Variants in TRERF1 observed in about 807,000 individuals in gnomAD.
The protein encoded by TRERF1 is transcriptional-regulating factor 1.
TRERF1 carries 27 observed loss-of-function variants against 122.9 expected under a neutral mutation model. That is an observed-to-expected ratio of 0.22 (90% CI 0.16 to 0.30). The LOEUF (loss-of-function observed/expected upper bound fraction) is 0.30, where lower values mean the gene tolerates loss of function less well. TRERF1 is among the 10% of genes least tolerant of loss of function. The pLI is 1.00. For synonymous variants in TRERF1, 636 were observed against 641.7 expected, an observed-to-expected ratio of 0.99 and a Z score of 0.13; for missense variants, 1,248 against 1,560.3, an observed-to-expected ratio of 0.80 and a Z score of 3.37.
intron 8 of TRERF1, among the ~76,000 whole-genome samples, chr6:42,262,558 A>AGG: frequency 1.5e-5 from 2 of 135,188 alleles, no homozygotes; most frequent in Admixed American, 7.2e-5. Flanking sequence ...AGAGAGAGAG[A>AGG]GAGAGAGAGA....
At chr6:42,373,584 A>G (rs260241) in intron 2 of TRERF1, among the ~76,000 whole-genome samples, 10,074 of 151,906 alleles carry the variant, frequency 0.066, 1,083 homozygotes, top group African/African-American at 0.23. Flanking sequence ...GGAGAATGTC[A>G]TGAACCCCAG....
At chr6:42,332,464 A>G (rs1765415099) in intron 3 of TRERF1, among the ~76,000 whole-genome samples, 1 of 152,150 alleles carries the variant, frequency 6.6e-6, no homozygotes, top group Non-Finnish European at 1.5e-5. Flanking sequence ...GGCAATGCCA[A>G]CTCACCTCCC....
chr6:42,359,726 A>C (rs535320522), intron 3 of TRERF1, among the ~76,000 whole-genome samples: 3 of 152,374 alleles, frequency 2.0e-5, no homozygotes, highest in South Asian at 4.1e-4. Flanking sequence ...CCGTCTCAAA[A>C]AAACACCCAA....
chr6:42,358,953 C>T (rs532746004), intron 3 of TRERF1, among the ~76,000 whole-genome samples: 14 of 152,194 alleles, frequency 9.2e-5, no homozygotes, highest in South Asian at 2.1e-4. Flanking sequence ...CTACAGAAGA[C>T]GGAAGTCTAA....
intron 2 of TRERF1, among the ~76,000 whole-genome samples, chr6:42,382,240 T>C (rs1057396899): frequency 6.6e-6 from 1 of 151,618 alleles, no homozygotes; most frequent in South Asian, 2.1e-4. Flanking sequence ...AGGAGACTCA[T>C]AGCACAACAG....
intron 2 of TRERF1, among the ~76,000 whole-genome samples, chr6:42,395,869 C>T (rs1173128069): frequency 1.3e-5 from 2 of 151,996 alleles, no homozygotes; most frequent in Non-Finnish European, 2.9e-5. Flanking sequence ...ATGCGTAGCT[C>T]ACATCTCTGT....
intron 2 of TRERF1, among the ~76,000 whole-genome samples, chr6:42,444,178 C>CTTTTTTTTTTTTTTTTTT (rs201969394): frequency 1.5e-5 from 2 of 133,858 alleles, no homozygotes; most frequent in African/African-American, 5.6e-5. Flanking sequence ...GCAGCCTTTG[C>CTTTTTTTTTTTTTTTTTT]TTTTTTTTTT....
In TRERF1 at chr6:42,269,776, G is replaced by A. The variant is rs187601754; in HGVS notation, c.-186C>T. The stretch of plus-strand genomic sequence containing the variant: ...GGCCTGTACCACTCATGTGCAGGGC[G>A]GGGGGTTTCACATCCTCTCCCTGGC... On this transcript the variant is annotated 5_prime_UTR_variant, in exon 5 of 18. Transcript: ENST00000372922. This position sits in a 1 kb window ranked among gnomAD's most constrained non-coding sequence, Gnocchi z 4.9. 1.3e-4 allele frequency: 184 copies of A among 1,426,694 alleles called. No homozygotes were observed. The African/African-American group carries it at 2.1e-3, about 17-fold the overall frequency. The allele number at this position is 1,426,694 out of a possible 1,614,324, so 88.4% of individuals were successfully genotyped here.
intron 12 of TRERF1, 84 bp from the exon 13 acceptor site, chr6:42,255,010 C>T (rs940634171): frequency 4.9e-6 from 7 of 1,420,622 alleles, no homozygotes; most frequent in East Asian, 2.3e-5. Flanking sequence ...AGGGGAAAAG[C>T]GGTTAGCACT....
At chr6:42,336,182 T>C (rs1423562144) in intron 3 of TRERF1, among the ~76,000 whole-genome samples, 1 of 152,120 alleles carries the variant, frequency 6.6e-6, no homozygotes, top group Admixed American at 6.6e-5. Flanking sequence ...GCAATAAACA[T>C]TTATGAAATG....
At chr6:42,256,995 G>A in exon 11 of TRERF1, 1 of 1,614,198 alleles carries the variant, frequency 6.2e-7, no homozygotes, top group Non-Finnish European at 8.5e-7. Flanking sequence ...TTCTAGTTCT[G>A]GCCAGGGCTT....
intron 2 of TRERF1, among the ~76,000 whole-genome samples, chr6:42,417,632 G>A (rs560644784): frequency 6.6e-6 from 1 of 152,338 alleles, no homozygotes; most frequent in East Asian, 1.9e-4. Flanking sequence ...CAGAGGGCAA[G>A]GCTGAAGACC....
At chr6:42,231,431 T>G (rs911336879) in intron 17 of TRERF1, among the ~76,000 whole-genome samples, 5 of 152,242 alleles carry the variant, frequency 3.3e-5, no homozygotes, top group Non-Finnish European at 7.3e-5. Context: ...TAGTACCTGA[T>G]AAACAGCAGT....
intron 3 of TRERF1, among the ~76,000 whole-genome samples, chr6:42,358,627 A>G (rs2150918533): frequency 6.6e-6 from 1 of 152,342 alleles, no homozygotes; most frequent in African/African-American, 2.4e-5. Flanking sequence ...TTTTCTATTT[A>G]AAGATTTTTG....
chr6:42,243,283 G>T, exon 15 of TRERF1: 1 of 1,614,068 alleles, frequency 6.2e-7, no homozygotes, highest in Non-Finnish European at 8.5e-7. Flanking sequence ...AGGCGTGTCC[G>T]GTGTTTCCGC....
chr6:42,293,837 T>C (rs1784672058), intron 4 of TRERF1, among the ~76,000 whole-genome samples: 3 of 148,360 alleles, frequency 2.0e-5, no homozygotes, highest in African/African-American at 7.5e-5. Flanking sequence ...TGTGACCTGG[T>C]TGGGCAAATG....
intron 4 of TRERF1, among the ~76,000 whole-genome samples, chr6:42,296,290 A>G (rs1884315): frequency 0.42 from 63,654 of 152,042 alleles, 14,045 homozygotes; most frequent in African/African-American, 0.55. Context: ...GAACATCATA[A>G]AGAGGCTGGG....
rs566808619 is a variant in TRERF1, at chr6:42,320,823, T to A, written c.-370-20074A>T. ...CCGCACCTGGCCTAATAATTTTTTTTAAAAGGCATAACTTCAACAATAAAG... is the reference window on the plus strand; with the variant it reads ...CCGCACCTGGCCTAATAATTTTTTTAAAAAGGCATAACTTCAACAATAAAG... On this transcript the variant is annotated intron_variant, in intron 3 of 17. Transcript: ENST00000372922. Among the ~76,000 whole-genome samples the A allele has an allele frequency of 2.4e-4, 36 of 152,254 alleles. No individual in the cohort carries two copies. In the South Asian group the frequency reaches 6.2e-3, roughly 26 times the overall value.
At chr6:42,373,962 G>A (rs34158727) in intron 2 of TRERF1, among the ~76,000 whole-genome samples, 5,381 of 149,672 alleles carry the variant, frequency 0.036, 155 homozygotes, top group Non-Finnish European at 0.049. Context: ...GTGAAACCCT[G>A]TCTCTACTAA....
Sources: allele counts gnomAD v4.1 joint callset (sites outside exome capture counted in the v4.1 genomes callset), GRCh38; gene constraint gnomAD v4.1.1; non-coding constraint Gnocchi (gnomAD v3.1); transcripts MANE v1.5; gene names NCBI Gene and HGNC (gene_info 2026-07-23, HGNC 2026-07-21).